The following WWOX variants were observed in gnomAD, a reference collection of about 807,000 sequenced individuals.
WWOX encodes the protein WW domain containing oxidoreductase.
Under a neutral mutation model 46.2 loss-of-function variants are expected in WWOX, and 69 were observed. The observed-to-expected ratio is 1.49, with a 90% CI of 1.23 to 1.82. The LOEUF (loss-of-function observed/expected upper bound fraction) is 1.82, where lower values mean the gene tolerates loss of function less well. Among genes scored for constraint, WWOX ranks in the 40% most tolerant of loss-of-function variants. WWOX has a pLI of 0.00. For missense variants in WWOX, 919 were observed against 542.6 expected (o/e 1.69, Z -6.89); for synonymous variants, 359 against 202.6 (o/e 1.77, Z -6.56).
intron 8 of WWOX, among the ~76,000 whole-genome samples, chr16:79,019,388 C>G (rs968665844): frequency 2.0e-5 from 3 of 152,006 alleles, no homozygotes; most frequent in Non-Finnish European, 4.4e-5. Flanking sequence ...CAAAGCTATG[C>G]AACGTGTGAT....
At chr16:78,413,957 T>G (rs2082740140) in intron 6 of WWOX, among the ~76,000 whole-genome samples, 1 of 151,560 alleles carries the variant, frequency 6.6e-6, no homozygotes, top group Non-Finnish European at 1.5e-5. Flanking sequence ...TACATCCAGA[T>G]GGCCTGAAGC....
chr16:78,786,935 G>A (rs576794675), intron 8 of WWOX, among the ~76,000 whole-genome samples: 1 of 152,328 alleles, frequency 6.6e-6, no homozygotes, highest in Admixed American at 6.5e-5. Context: ...ATCACTTGGG[G>A]TGAAGAGTTA....
chr16:78,401,620 A>G (rs2082415676), intron 6 of WWOX, among the ~76,000 whole-genome samples: 1 of 152,164 alleles, frequency 6.6e-6, no homozygotes, highest in Admixed American at 6.5e-5. Context: ...TACTTAACGC[A>G]TTTTGAGAAT....
At chr16:78,958,089 G>C (rs1361292696) in intron 8 of WWOX, among the ~76,000 whole-genome samples, 1 of 152,112 alleles carries the variant, frequency 6.6e-6, no homozygotes, top group African/African-American at 2.4e-5. Context: ...TGGAATCTGA[G>C]CCTTCATATT....
chr16:78,741,323 G>A (rs529240430), intron 8 of WWOX, among the ~76,000 whole-genome samples: 2 of 152,330 alleles, frequency 1.3e-5, no homozygotes, highest in African/African-American at 4.8e-5. Context: ...CATTTTGGGA[G>A]GCCAAGGTGG....
At chr16:78,582,201 G>A (rs879232892) in intron 8 of WWOX, among the ~76,000 whole-genome samples, 1 of 152,174 alleles carries the variant, frequency 6.6e-6, no homozygotes, top group Non-Finnish European at 1.5e-5. Flanking sequence ...CCAGAAGAAT[G>A]TTCCTAAGTG....
intron 8 of WWOX, among the ~76,000 whole-genome samples, chr16:78,801,440 T>C (rs1010113441): frequency 6.6e-6 from 1 of 152,014 alleles, no homozygotes; most frequent in African/African-American, 2.4e-5. Flanking sequence ...ACCCAGGAGG[T>C]AGAGGTTGCA....
intron 1 of WWOX, 52 bp from the exon 2 acceptor site, chr16:78,108,371 T>A: frequency 1.3e-6 from 2 of 1,571,732 alleles, no homozygotes; most frequent in African/African-American, 2.7e-5. Context: ...TTGATTACTT[T>A]TTAGAAGAGT....
intron 8 of WWOX, among the ~76,000 whole-genome samples, chr16:78,463,876 C>T (rs780564220): frequency 5.3e-5 from 8 of 152,206 alleles, no homozygotes; most frequent in Non-Finnish European, 1.0e-4. Context: ...TAAACTTCCT[C>T]CTTTTCTAGT....
chr16:78,810,288 T>G (rs2051152271), intron 8 of WWOX, among the ~76,000 whole-genome samples: 1 of 152,220 alleles, frequency 6.6e-6, no homozygotes, highest in Non-Finnish European at 1.5e-5. Flanking sequence ...ATCTGTTAAA[T>G]GGCAGCTTAG....
At chr16:78,358,321 A>G (rs1026323527) in intron 5 of WWOX, among the ~76,000 whole-genome samples, 3 of 152,210 alleles carry the variant, frequency 2.0e-5, no homozygotes, top group Non-Finnish European at 2.9e-5. Context: ...CTGCTAATGA[A>G]TTACTTTCCT....
intron 8 of WWOX, among the ~76,000 whole-genome samples, chr16:79,102,774 A>G (rs943265780): frequency 4.2e-4 from 64 of 152,326 alleles, no homozygotes; most frequent in African/African-American, 1.5e-3. Context: ...GTTTCATTAA[A>G]CACCTAAAGA....
chr16:78,416,201 A>T (rs999431143), intron 6 of WWOX, among the ~76,000 whole-genome samples: 1 of 152,158 alleles, frequency 6.6e-6, no homozygotes, highest in African/African-American at 2.4e-5. Flanking sequence ...TATAGTTTGA[A>T]CTTTTCCTTT....
intron 8 of WWOX, among the ~76,000 whole-genome samples, chr16:78,969,889 GA>G (rs1448233079): frequency 6.6e-6 from 1 of 152,146 alleles, no homozygotes; most frequent in East Asian, 1.9e-4. Flanking sequence ...AAGATAGCAG[GA>G]TTCCTTCTAA....
At chr16:78,364,814 G>A (rs1189042466) in intron 5 of WWOX, among the ~76,000 whole-genome samples, 2 of 152,176 alleles carry the variant, frequency 1.3e-5, no homozygotes, top group Non-Finnish European at 2.9e-5. Flanking sequence ...GATCGTGGGA[G>A]AGCAGGAGGG....
chr16:78,915,214 T>G (rs570729165), intron 8 of WWOX, among the ~76,000 whole-genome samples: 1 of 152,132 alleles, frequency 6.6e-6, no homozygotes, highest in African/African-American at 2.4e-5. Flanking sequence ...CAGATCATGA[T>G]TCATTTGGGT....
At chr16:78,451,426 C>T (rs960010058) in intron 8 of WWOX, among the ~76,000 whole-genome samples, 1 of 152,138 alleles carries the variant, frequency 6.6e-6, no homozygotes, top group Non-Finnish European at 1.5e-5. Flanking sequence ...CTGAGAAGAG[C>T]ATATTTGGCT....
At chr16:78,645,108 C>A (rs144230412) in intron 8 of WWOX, among the ~76,000 whole-genome samples, 286 of 152,238 alleles carry the variant, frequency 1.9e-3, no homozygotes, top group African/African-American at 6.5e-3. Context: ...AAGCAATATA[C>A]AATCTAGTTA....
At chr16:78,581,004 G>A (rs2151588638) in intron 8 of WWOX, among the ~76,000 whole-genome samples, 1 of 152,210 alleles carries the variant, frequency 6.6e-6, no homozygotes, top group Admixed American at 6.5e-5. Flanking sequence ...GTATATCTGT[G>A]AACTTATTAA....
Sources: gnomAD v4.1 joint callset for allele counts (sites outside exome capture counted in the v4.1 genomes callset) on GRCh38, gnomAD v4.1.1 for gene constraint, MANE v1.5 for transcripts, NCBI Gene and HGNC (gene_info 2026-07-23, HGNC 2026-07-21) for gene names.